The following FHOD3 variants were observed in gnomAD, a reference collection of about 807,000 sequenced individuals.
FHOD3 encodes the protein formin homology 2 domain containing 3.
A neutral mutation model predicts 173.0 loss-of-function variants in FHOD3; 90 were observed. The ratio of observed to expected loss-of-function variants is 0.52; its 90% CI spans 0.44 to 0.62. The LOEUF is 0.62. Among genes scored for constraint, FHOD3 ranks in the 20% least tolerant of loss-of-function variants. The pLI is 0.00. For synonymous variants in FHOD3, 828 were observed against 823.0 expected, an observed-to-expected ratio of 1.01 and a Z score of -0.10; for missense variants, 1,945 against 2,034.7, an observed-to-expected ratio of 0.96 and a Z score of 0.85.
intron 1 of FHOD3, among the ~76,000 whole-genome samples, chr18:36,341,697 C>G (rs2045632629): frequency 6.6e-6 from 1 of 152,186 alleles, no homozygotes; most frequent in Admixed American, 6.5e-5. Flanking sequence ...TAACCACACA[C>G]ATAATAGGCC....
At chr18:36,515,611 A>G (rs1036705337) in intron 5 of FHOD3, among the ~76,000 whole-genome samples, 11 of 152,226 alleles carry the variant, frequency 7.2e-5, no homozygotes, top group African/African-American at 2.7e-4. Flanking sequence ...TGACCAGGGG[A>G]GAGCCCGTCA....
chr18:36,470,618 G>A (rs2053225903), intron 3 of FHOD3, among the ~76,000 whole-genome samples: 1 of 152,192 alleles, frequency 6.6e-6, no homozygotes, highest in Non-Finnish European at 1.5e-5. Context: ...TAGCTGGTAT[G>A]GAGCTTGATA....
At chr18:36,652,120 C>A (rs1382449224) in intron 11 of FHOD3, among the ~76,000 whole-genome samples, 2 of 152,196 alleles carry the variant, frequency 1.3e-5, no homozygotes, top group Non-Finnish European at 2.9e-5. Flanking sequence ...TTGTGGGATA[C>A]CTCTTCCTCA....
At chr18:36,579,837 C>A (rs1431160287) in intron 6 of FHOD3, among the ~76,000 whole-genome samples, 1 of 150,890 alleles carries the variant, frequency 6.6e-6, no homozygotes, top group Admixed American at 6.6e-5. Context: ...CTCTTTATAG[C>A]AGCAAAAATA....
In FHOD3 at chr18:36,389,620, T is replaced by A. The variant is rs1380118224; in HGVS notation, c.337+16876T>A. On this transcript the variant is annotated intron_variant, in intron 3 of 28. Coordinates refer to ENST00000590592, the MANE Select transcript of FHOD3 (RefSeq NM_001281740.3). ...CATTGTTGTTATTGTTGTTGTTTTT[T>A]AAATATGTGCTCTCTCTATGTATAG... Among the ~76,000 whole-genome samples, 3 of 152,334 alleles carry A rather than the reference T, an allele frequency of 2.0e-5. No homozygotes were observed. The East Asian group carries it at 5.8e-4, about 29-fold the overall frequency.
At chr18:36,628,673 A>G (rs2034290614) in intron 10 of FHOD3, among the ~76,000 whole-genome samples, 1 of 152,218 alleles carries the variant, frequency 6.6e-6, no homozygotes, top group Admixed American at 6.5e-5. Context: ...AATGAGTTTC[A>G]TCTTTGCACT....
At chr18:36,421,493 C>T (rs887257964) in intron 3 of FHOD3, among the ~76,000 whole-genome samples, 1 of 152,148 alleles carries the variant, frequency 6.6e-6, no homozygotes. Context: ...ACTGAGATTG[C>T]ATATGATTGG....
At chr18:36,554,130 C>G (rs896818011) in intron 5 of FHOD3, among the ~76,000 whole-genome samples, 10 of 152,112 alleles carry the variant, frequency 6.6e-5, no homozygotes, top group African/African-American at 2.2e-4. Flanking sequence ...AGCCATCCCA[C>G]TACTGGGTAT....
At chr18:36,298,350 G>T (rs1010172751) in intron 1 of FHOD3, among the ~76,000 whole-genome samples, 1 of 152,182 alleles carries the variant, frequency 6.6e-6, no homozygotes, top group African/African-American at 2.4e-5. Context: ...AGTCGGCCTC[G>T]GCACTCGGGC....
intron 3 of FHOD3, among the ~76,000 whole-genome samples, chr18:36,453,355 G>T (rs573596619): frequency 2.6e-5 from 4 of 152,208 alleles, no homozygotes; most frequent in African/African-American, 9.7e-5. Context: ...GAGAAAAGAG[G>T]CTTCAAGAGT....
intron 3 of FHOD3, among the ~76,000 whole-genome samples, chr18:36,468,157 G>A (rs2145009931): frequency 6.6e-6 from 1 of 152,310 alleles, no homozygotes; most frequent in Admixed American, 6.5e-5. Flanking sequence ...ATGCTGACCT[G>A]GTGGCAGCCA....
intron 14 of FHOD3, among the ~76,000 whole-genome samples, chr18:36,659,947 G>T (rs988046633): frequency 9.9e-5 from 15 of 152,172 alleles, no homozygotes; most frequent in African/African-American, 3.4e-4. Flanking sequence ...GGGATAAGGA[G>T]GGTGGGCAGT....
intron 1 of FHOD3, among the ~76,000 whole-genome samples, chr18:36,329,211 C>T (rs1185031083): frequency 2.6e-5 from 4 of 152,178 alleles, no homozygotes; most frequent in Admixed American, 2.6e-4. Flanking sequence ...CTGTGTCCCA[C>T]CCCACTGAAA....
chr18:36,775,219 C>T (rs2043572915), intron 28 of FHOD3, among the ~76,000 whole-genome samples: 1 of 152,068 alleles, frequency 6.6e-6, no homozygotes, highest in South Asian at 2.1e-4. Flanking sequence ...GATTAAAAAA[C>T]CAAAAAACGA....
chr18:36,580,513 T>C (rs1335866968), intron 6 of FHOD3, among the ~76,000 whole-genome samples: 1 of 152,210 alleles, frequency 6.6e-6, no homozygotes, highest in African/African-American at 2.4e-5. Context: ...TGATGTCACA[T>C]GAAGGTCTCC....
At chr18:36,379,871 G>A (rs2047647037) in intron 3 of FHOD3, among the ~76,000 whole-genome samples, 1 of 152,184 alleles carries the variant, frequency 6.6e-6, no homozygotes, top group Admixed American at 6.5e-5. Context: ...CAAAATTTAT[G>A]TCAGGAAACA....
chr18:36,519,525 G>A (rs1205870152), intron 5 of FHOD3, among the ~76,000 whole-genome samples: 2 of 152,204 alleles, frequency 1.3e-5, no homozygotes, highest in Non-Finnish European at 2.9e-5. Context: ...TCTTCTGCAA[G>A]TGCTGAATGA....
chr18:36,391,853 C>T (rs1018909498), intron 3 of FHOD3, among the ~76,000 whole-genome samples: 1 of 152,120 alleles, frequency 6.6e-6, no homozygotes, highest in African/African-American at 2.4e-5. Context: ...TGGTGCCTCC[C>T]CTGTGTCTGC....
At chr18:36,307,254 G>A (rs1332017181) in intron 1 of FHOD3, among the ~76,000 whole-genome samples, 5 of 152,218 alleles carry the variant, frequency 3.3e-5, no homozygotes, top group African/African-American at 9.6e-5. Flanking sequence ...GAGCCACTGC[G>A]CCTGGCCTGA....
Sources: allele counts gnomAD v4.1 joint callset (sites outside exome capture counted in the v4.1 genomes callset), GRCh38; gene constraint gnomAD v4.1.1; transcripts MANE v1.5; gene names NCBI Gene and HGNC (gene_info 2026-07-23, HGNC 2026-07-21).